DLGAP3: variants seen among roughly 807,000 people sequenced by gnomAD.
The protein encoded by DLGAP3 is DLG associated protein 3.
DLGAP3 carries 17 observed loss-of-function variants against 81.2 expected under a neutral mutation model. That is an observed-to-expected ratio of 0.21 (90% confidence interval 0.14 to 0.31). The LOEUF is 0.31. DLGAP3 is among the 10% of genes least tolerant of loss of function. The probability of loss-of-function intolerance (pLI) is 1.00; values close to 1 mark genes in which losing one functional copy is unlikely to be tolerated. For missense variants in DLGAP3, 1,124 were observed against 1,388.0 expected (o/e 0.81, Z 3.02); for synonymous variants, 577 against 587.4 (o/e 0.98, Z 0.26).
rs147456536 is a variant in DLGAP3, at chr1:34,899,726, G to A, written c.1329C>T (p.Pro443=). ...DQARINCCVP[P]RIHPRSSIPG... is the part of the protein sequence containing the mutation. ...GGATGGAGCTCCGGGGGTGGATCCG[G>A]GGTGGGACACAGCAGCTGGAAAAGG... Residue 443 remains proline, a synonymous_variant, in exon 5 of 12, where the codon CCC becomes CCT. Coordinates refer to ENST00000373347, the MANE Select transcript of DLGAP3 (RefSeq NM_001080418.3). 5.0e-6 allele frequency: 8 copies of A among 1,613,918 alleles called. No individual in the cohort carries two copies. In the African/African-American group the frequency reaches 9.3e-5, roughly 19 times the overall value.
At chr1:34,891,227 G>A (rs181249161) in intron 5 of DLGAP3, among the ~76,000 whole-genome samples, 12 of 152,286 alleles carry the variant, frequency 7.9e-5, no homozygotes, top group East Asian at 3.9e-4. Context: ...GGCTGCTCTC[G>A]TTCACCAGGC....
chr1:34,904,702 G>GGTGATGGTGGTC lies in DLGAP3; in HGVS notation c.681_682insGACCACCATCAC (p.His227_His228insAspHisHisHis), dbSNP rs746467121. The GGTGATGGTGGTC allele has an allele frequency of 6.2e-7, 1 of 1,613,366 alleles. No homozygotes were observed. Among genetic ancestry groups the GGTGATGGTGGTC allele is most frequent in the Non-Finnish European group, 8.5e-7 (1 of 1,180,000 alleles). The stretch of plus-strand genomic sequence containing the variant: ...GACTGGTGGTGGTGGTGATGGTGGT[G>GGTGATGGTGGTC]GTGATGGTGGTGATGGGAGGTGTGG... On this transcript the variant is annotated inframe_insertion, in exon 3 of 12. Transcript: ENST00000373347. This position sits in a 1 kb window ranked among gnomAD's most constrained non-coding sequence, Gnocchi z 8.1.
intron 1 of DLGAP3, among the ~76,000 whole-genome samples, chr1:34,911,028 C>G (rs1020941924): frequency 1.3e-5 from 2 of 150,486 alleles, no homozygotes; most frequent in Admixed American, 6.6e-5. Flanking sequence ...ATCCACCCCC[C>G]CCCCACCACC....
At chr1:34,928,240 G>T (rs1420511981) in intron 1 of DLGAP3, among the ~76,000 whole-genome samples, 2 of 152,128 alleles carry the variant, frequency 1.3e-5, no homozygotes, top group African/African-American at 2.4e-5. Context: ...TTGGGACTTG[G>T]AAGTCTGGGA....
At chr1:34,928,407 C>T (rs949935885) in intron 1 of DLGAP3, among the ~76,000 whole-genome samples, 29 of 150,682 alleles carry the variant, frequency 1.9e-4, no homozygotes, top group Non-Finnish European at 4.0e-4. Flanking sequence ...TACTCCAGCT[C>T]GCCCCAGATC....
chr1:34,875,024 G>A (rs1431894595), intron 8 of DLGAP3, among the ~76,000 whole-genome samples: 1 of 152,128 alleles, frequency 6.6e-6, no homozygotes, highest in Non-Finnish European at 1.5e-5. Flanking sequence ...GGAGATTCAG[G>A]AGGAGTCATG....
chr1:34,868,940 TG>T lies in DLGAP3; in HGVS notation c.2149del (p.Gln717SerfsTer59). The T allele has an allele frequency of 6.2e-7, 1 of 1,609,820 alleles. No homozygotes were observed. ...GTAGGTGGGGGCCCGGGGCCCAGGC[TG>T]GGGCTCAGAGGCGTGCCTCTGGAAG... ...RSFQRHASEP[Q>X]PGPRAPTYSV... is the part of the protein sequence containing the mutation. On this transcript the variant is annotated frameshift_variant, in exon 9 of 12. Coordinates refer to ENST00000373347, the MANE Select transcript of DLGAP3 (RefSeq NM_001080418.3). LOFTEE classifies it high-confidence loss of function. The surrounding 1 kb of genome is among the most constrained non-coding windows in gnomAD (Gnocchi z 7.5).
intron 8 of DLGAP3, among the ~76,000 whole-genome samples, chr1:34,871,288 A>T (rs1417256640): frequency 6.6e-6 from 1 of 152,150 alleles, no homozygotes; most frequent in Non-Finnish European, 1.5e-5. Context: ...TGAATCGACT[A>T]TAAGCGATCC....
intron 5 of DLGAP3, among the ~76,000 whole-genome samples, chr1:34,887,225 G>C (rs1639247805): frequency 6.6e-6 from 1 of 151,930 alleles, no homozygotes; most frequent in South Asian, 2.1e-4. Flanking sequence ...AAAGTGCTGG[G>C]ATTATAGGCG....
chr1:34,925,267 C>T (rs1639854885), intron 1 of DLGAP3: 1 of 152,556 alleles, frequency 6.6e-6, no homozygotes, highest in Non-Finnish European at 1.5e-5. Flanking sequence ...TGAGAGAGGA[C>T]CCCACCCACC....
rs75013730 is a variant in DLGAP3 at position 34,926,505 on chromosome 1, C to T, written c.-135+2946G>A. Among the ~76,000 whole-genome samples the T allele has an allele frequency of 3.4e-4, 52 of 152,208 alleles. No homozygotes were observed. In the East Asian group the frequency reaches 9.7e-3, roughly 28 times the overall value. ...CATAATGCTTGCATAGTGGAGGGTA[C>T]GCAGCTGTTCTTCCAACCCCCACTG... is the stretch of plus-strand genomic sequence containing the variant. On this transcript the variant is annotated intron_variant, in intron 1 of 11. Coordinates refer to ENST00000373347, the MANE Select transcript of DLGAP3 (RefSeq NM_001080418.3).
In DLGAP3 at chr1:34,895,580, C is replaced by A. The variant is rs1321133439; in HGVS notation, c.1386+4089G>T. On this transcript the variant is annotated intron_variant, in intron 5 of 11. Transcript: ENST00000373347. This position sits in a 1 kb window ranked among gnomAD's most constrained non-coding sequence, Gnocchi z 4.5. The stretch of plus-strand genomic sequence containing the variant: ...TTTTTATAGAAATCAACAAGCCTAC[C>A]CAAAATCCATGTGTATATGCAAAGG... Among the ~76,000 whole-genome samples, 3 of 151,880 alleles carry A rather than the reference C, an allele frequency of 2.0e-5. No individual in the cohort carries two copies. The highest frequency in any genetic ancestry group is 6.6e-5 in the Admixed American group (1 of 15,234).
At position 34,904,571 on chromosome 1, in the gene DLGAP3, G is replaced by A. The variant is rs183805776; in HGVS notation, c.813C>T (p.Ser271=). Reference sequence around the variant, plus strand: ...GGGGCCTCCCACCCGCCAGGAAGCCGCTATCACTGTCCAAGTTGTCATCGG... The same window carrying A: ...GGGGCCTCCCACCCGCCAGGAAGCCACTATCACTGTCCAAGTTGTCATCGG... The part of the protein sequence containing the change: ...WSSDDNLDSD[S]GFLAGGRPPG... Residue 271 remains serine (S), a synonymous_variant, in exon 3 of 12, where the codon AGC becomes AGT. Transcript: ENST00000373347. This position sits in a 1 kb window ranked among gnomAD's most constrained non-coding sequence, Gnocchi z 8.1. The A allele has an allele frequency of 3.1e-5, 50 of 1,614,190 alleles. No individual in the cohort carries two copies. Among genetic ancestry groups the A allele is most frequent in the South Asian group, 8.8e-5 (8 of 91,084 alleles).
rs1191168417 is a variant in DLGAP3 at position 34,923,714 on chromosome 1, C to T, written c.-135+5737G>A. ...CACACCCACACCCACCACCTCCCAG[C>T]ACCCACAGCAGAGGAAAACTCAGCT... On this transcript the variant is annotated intron_variant, in intron 1 of 11. Transcript: ENST00000373347. Among the ~76,000 whole-genome samples the T allele has an allele frequency of 2.6e-5, 4 of 152,192 alleles. No individual in the cohort carries two copies. The East Asian group carries it at 7.7e-4, about 29-fold the overall frequency.
At chr1:34,916,048 C>G (rs1639711871) in intron 1 of DLGAP3, among the ~76,000 whole-genome samples, 1 of 152,144 alleles carries the variant, frequency 6.6e-6, no homozygotes, top group South Asian at 2.1e-4. Context: ...TTCAGGGGAT[C>G]TATCTCTGTA....
intron 1 of DLGAP3, among the ~76,000 whole-genome samples, chr1:34,910,467 G>T (rs1639621881): frequency 6.6e-6 from 1 of 152,198 alleles, no homozygotes; most frequent in Admixed American, 6.5e-5. Flanking sequence ...AGGATAAAAT[G>T]CCTTCGCTTG....
At position 34,902,086 on chromosome 1, in the gene DLGAP3, T is replaced by C. The variant is rs1380768497; in HGVS notation, c.1108-1813A>G. Among the ~76,000 whole-genome samples, 2 of 151,662 alleles carry C rather than the reference T, an allele frequency of 1.3e-5. No individual in the cohort carries two copies. The highest frequency in any genetic ancestry group is 2.9e-5 in the Non-Finnish European group (2 of 67,952). On this transcript the variant is annotated intron_variant, in intron 3 of 11. Coordinates refer to ENST00000373347, the MANE Select transcript of DLGAP3 (RefSeq NM_001080418.3). This position sits in a 1 kb window ranked among gnomAD's most constrained non-coding sequence, Gnocchi z 4.4. ...TTTGGATGCGTCTAGAGAGATGCTG[T>C]CAGGAAGCTGAGGGAGTCCGTGATG...
rs1471244252 is a variant in DLGAP3, at chr1:34,868,531, C to A, written c.2485+74G>T. 2 of 1,324,218 alleles carry A rather than the reference C, an allele frequency of 1.5e-6. No homozygotes were observed. The highest frequency in any genetic ancestry group is 2.2e-6 in the Non-Finnish European group (2 of 924,286). The allele number at this position is 1,324,218 out of a possible 1,614,324, so 82.0% of individuals were successfully genotyped here. A position where few individuals can be genotyped will look rare whatever the true frequency, so the allele number is the denominator to read the frequency against. On this transcript the variant is annotated intron_variant, in intron 9 of 11. Coordinates refer to ENST00000373347, the MANE Select transcript of DLGAP3 (RefSeq NM_001080418.3). The surrounding 1 kb of genome is among the most constrained non-coding windows in gnomAD (Gnocchi z 7.5). ...TCCTGTTACACTGCAGCCCCAGCCA[C>A]CCCCATCAGGGTCTCCTGAGCACAC...
chr1:34,866,265 G>T lies in DLGAP3; in HGVS notation c.2758C>A (p.Pro920Thr). The T allele has an allele frequency of 6.4e-7, 1 of 1,552,210 alleles. No individual in the cohort carries two copies. Among genetic ancestry groups the T allele is most frequent in the Non-Finnish European group, 8.7e-7 (1 of 1,150,380 alleles). ...ACCGGCACGCCCCGGCCCCGCAGGG[G>T]CTTCTTTGGTATCGGCGGAGGGACC... ...KKVPPPIPKK[P>T]LRGRGVPVKE... is the part of the protein sequence containing the mutation. The change falls in exon 12 of 12, where the codon CCC becomes ACC. Residue 920 changes from proline (P) to threonine (T), a missense_variant. By Grantham distance (38) the Pro-to-Thr change is conservative. Transcript: ENST00000373347.
Sources: gnomAD v4.1 joint callset for allele counts (sites outside exome capture counted in the v4.1 genomes callset) on GRCh38, gnomAD v4.1.1 for gene constraint, Gnocchi (gnomAD v3.1) non-coding constraint, MANE v1.5 for transcripts, NCBI Gene and HGNC (gene_info 2026-07-23, HGNC 2026-07-21) for gene names.